The following NHSL2 variants were observed in gnomAD, a reference collection of about 807,000 sequenced individuals.
NHSL2 encodes the protein NHS like 2.
A neutral mutation model predicts 53.4 loss-of-function variants in NHSL2; 27 were observed. The ratio of observed to expected loss-of-function variants is 0.51; its 90% CI spans 0.37 to 0.70. The LOEUF is 0.70. NHSL2 is among the 30% of genes least tolerant of loss of function. The probability of loss-of-function intolerance (pLI) is 0.00; values close to 1 mark genes in which losing one functional copy is unlikely to be tolerated. For synonymous variants in NHSL2, 408 were observed against 404.1 expected, an observed-to-expected ratio of 1.01 and a Z score of -0.12; for missense variants, 892 against 980.1, an observed-to-expected ratio of 0.91 and a Z score of 1.20.
chrX:71,949,935 C>A (rs1027710712), intron 1 of NHSL2, among the ~76,000 whole-genome samples: 5 of 113,244 alleles, frequency 4.4e-5, no homozygotes, highest in Non-Finnish European at 9.4e-5. Context: ...AAGCACTTCC[C>A]CCTGGCCAGC....
intron 1 of NHSL2, among the ~76,000 whole-genome samples, chrX:71,977,166 A>G (rs1211530072): frequency 1.8e-5 from 2 of 111,724 alleles, no homozygotes; most frequent in African/African-American, 6.5e-5. Context: ...AGATGGAGAA[A>G]CAGAATTCTC....
chrX:72,151,028 T>C lies in NHSL2; in HGVS notation c.*7454T>C, dbSNP rs1448562610. The C allele has an allele frequency of 9.0e-6, 1 of 110,890 alleles. No homozygotes were observed. The highest frequency in any genetic ancestry group is 1.9e-5 in the Non-Finnish European group (1 of 52,893). The allele number at this position is 110,890 out of a possible 1,213,427, so 9.1% of individuals were successfully genotyped here. A position where few individuals can be genotyped will look rare whatever the true frequency, so the allele number is the denominator to read the frequency against. The stretch of plus-strand genomic sequence containing the variant: ...CTTTGGATAATGTAAACCACTCTCT[T>C]TTTTTTTGACAGAGTCTCTCTCTGT... On this transcript the variant is annotated 3_prime_UTR_variant, in exon 8 of 8. Transcript: ENST00000633930.
At chrX:72,074,099 G>A (rs1052468674) in intron 1 of NHSL2, among the ~76,000 whole-genome samples, 1 of 112,209 alleles carries the variant, frequency 8.9e-6, no homozygotes, top group Non-Finnish European at 1.9e-5. Context: ...AGATCCAGAC[G>A]ACTGGTATCA....
chrX:72,013,749 A>G (rs7054116), intron 1 of NHSL2, among the ~76,000 whole-genome samples: 3,009 of 110,744 alleles, frequency 0.027, 45 homozygotes, highest in Non-Finnish European at 0.04. Context: ...TAGATGCTCA[A>G]GTTAAGGAAG....
intron 1 of NHSL2, among the ~76,000 whole-genome samples, chrX:72,003,136 A>G (rs1228713502): frequency 1.8e-5 from 2 of 110,552 alleles, no homozygotes. Context: ...GTGAGTGCCA[A>G]AGACTCCCAC....
At chrX:72,136,584 T>G (rs1775940638) in intron 4 of NHSL2, among the ~76,000 whole-genome samples, 1 of 111,804 alleles carries the variant, frequency 8.9e-6, no homozygotes, top group Admixed American at 9.4e-5. Flanking sequence ...TCCTGGATGG[T>G]GGAGGGCAGT....
At chrX:72,122,896 A>T (rs970914312) in intron 1 of NHSL2, among the ~76,000 whole-genome samples, 5 of 113,033 alleles carry the variant, frequency 4.4e-5, no homozygotes, top group South Asian at 3.6e-4. Context: ...TGCAGCCTTC[A>T]TCTGCAAAGA....
At chrX:71,962,460 AT>A (rs995514072) in intron 1 of NHSL2, among the ~76,000 whole-genome samples, 1 of 110,396 alleles carries the variant, frequency 9.1e-6, no homozygotes, top group African/African-American at 3.3e-5. Context: ...TTATTGGGAG[AT>A]TTTTTTATTA....
intron 1 of NHSL2, among the ~76,000 whole-genome samples, chrX:72,043,152 ACTC>A (rs2042285505): frequency 1.8e-5 from 2 of 110,458 alleles, no homozygotes; most frequent in Admixed American, 9.6e-5. Flanking sequence ...GTGAGTCTCA[ACTC>A]CTGCAGACCT....
At chrX:72,073,288 G>A (rs2041715363) in intron 1 of NHSL2, among the ~76,000 whole-genome samples, 1 of 110,621 alleles carries the variant, frequency 9.0e-6, no homozygotes, top group South Asian at 3.9e-4. Context: ...CGGGGCAGTC[G>A]CAGCACGTGG....
In NHSL2 at chrX:72,063,676, C is replaced by T. The variant is rs184767003; in HGVS notation, c.281-68403C>T. ...AATTACTTTTCATGCACTCAATTTT[C>T]CCCTGTAATTTTTATTAGAATCTAG... On this transcript the variant is annotated intron_variant, in intron 1 of 7. Coordinates refer to ENST00000633930, the MANE Select transcript of NHSL2 (RefSeq NM_001013627.3). Among the ~76,000 whole-genome samples, 645 of 111,278 alleles carry T rather than the reference C, an allele frequency of 5.8e-3. 7 individuals carry two copies. The highest frequency in any genetic ancestry group is 0.02 in the African/African-American group (614 of 30,619).
At chrX:72,088,060 G>A (rs1424871304) in intron 1 of NHSL2, among the ~76,000 whole-genome samples, 1 of 108,936 alleles carries the variant, frequency 9.2e-6, no homozygotes, top group Non-Finnish European at 1.9e-5. Context: ...GAGAAACCCC[G>A]TCTCTACTAA....
intron 1 of NHSL2, among the ~76,000 whole-genome samples, chrX:72,078,978 T>G (rs2041766891): frequency 8.9e-6 from 1 of 112,197 alleles, no homozygotes; most frequent in Non-Finnish European, 1.9e-5. Context: ...TCAAGCTGTT[T>G]CCTTGTCTTT....
At chrX:71,977,502 G>A (rs141620177) in intron 1 of NHSL2, among the ~76,000 whole-genome samples, 1,182 of 106,062 alleles carry the variant, frequency 0.011, 13 homozygotes, top group African/African-American at 0.038. Context: ...ACTTACTGCA[G>A]TCTCAACCTC....
chrX:72,058,080 G>A (rs2042379325), intron 1 of NHSL2, among the ~76,000 whole-genome samples: 1 of 112,130 alleles, frequency 8.9e-6, no homozygotes, highest in Middle Eastern at 4.6e-3. Flanking sequence ...ATTGTTTGAG[G>A]TGTGAGCTCA....
At chrX:72,125,907 G>A (rs2042220986) in intron 1 of NHSL2, among the ~76,000 whole-genome samples, 1 of 112,454 alleles carries the variant, frequency 8.9e-6, no homozygotes, top group South Asian at 3.6e-4. Context: ...CAGAATCCAG[G>A]CAGGTTGAGA....
In NHSL2 at chrX:72,139,355, C is replaced by T. The variant is rs748124339; in HGVS notation, c.1807C>T (p.Leu603Phe). Residue 603 changes from leucine (L) to phenylalanine (F), a missense_variant, in exon 6 of 8, where the codon CTC (leucine) becomes TTC (phenylalanine). Physicochemically the swap from Leu to Phe is conservative, Grantham distance 22. Coordinates refer to ENST00000633930, the MANE Select transcript of NHSL2 (RefSeq NM_001013627.3). ...PKDQRPKSLC[L>F]SLEHQGHHSS... ...GGACCAGAGGCCCAAGAGCCTTTGCCTCTCCTTGGAACATCAAGGACATCA... is the reference window on the plus strand; with the variant it reads ...GGACCAGAGGCCCAAGAGCCTTTGCTTCTCCTTGGAACATCAAGGACATCA... The T allele has an allele frequency of 3.7e-5, 45 of 1,208,446 alleles. No homozygotes were observed. Among genetic ancestry groups the T allele is most frequent in the Non-Finnish European group, 3.4e-6 (3 of 893,975 alleles).
At chrX:72,003,077 A>G (rs1420974160) in intron 1 of NHSL2, among the ~76,000 whole-genome samples, 1 of 109,486 alleles carries the variant, frequency 9.1e-6, no homozygotes, top group Non-Finnish European at 1.9e-5. Context: ...ATGGGAAAAC[A>G]TGGAGAAATT....
chrX:72,091,870 A>G (rs1404590006), intron 1 of NHSL2, among the ~76,000 whole-genome samples: 1 of 111,564 alleles, frequency 9.0e-6, no homozygotes, highest in East Asian at 2.8e-4. Context: ...TTCATGCAGA[A>G]CCATTTCTGA....
Sources: allele counts gnomAD v4.1 joint callset (sites outside exome capture counted in the v4.1 genomes callset), GRCh38; gene constraint gnomAD v4.1.1; transcripts MANE v1.5; gene names NCBI Gene and HGNC (gene_info 2026-07-23, HGNC 2026-07-21).